IL1RAPL2: variants seen among roughly 807,000 people sequenced by gnomAD.
IL1RAPL2 encodes the protein interleukin 1 receptor accessory protein like 2.
IL1RAPL2 carries 3 observed loss-of-function variants against 44.1 expected under a neutral mutation model. That is an observed-to-expected ratio of 0.07 (90% CI 0.03 to 0.18). The LOEUF is 0.18. Among genes scored for constraint, IL1RAPL2 ranks in the 10% least tolerant of loss-of-function variants. IL1RAPL2 has a pLI of 1.00. For synonymous variants in IL1RAPL2, 181 were observed against 178.8 expected (o/e 1.01, Z -0.10); for missense variants, 391 against 496.4 (o/e 0.79, Z 2.02).
At position 105,428,343 on chromosome X, in the gene IL1RAPL2, T is replaced by C. The variant is rs768007740; in HGVS notation, c.698-55970T>C. 2.7e-5 allele frequency among the ~76,000 whole-genome samples: 3 copies of C among 111,895 alleles called. No individual in the cohort carries two copies. The Admixed American group carries it at 2.9e-4, about 11-fold the overall frequency. ...TAAATTTTACTAACTCCTGGACTTA[T>C]TCTCATTTCCAGGTCAAGATTTTGT... On this transcript the variant is annotated intron_variant, in intron 5 of 10. Coordinates refer to ENST00000372582, the MANE Select transcript of IL1RAPL2 (RefSeq NM_017416.2).
intron 2 of IL1RAPL2, among the ~76,000 whole-genome samples, chrX:104,787,023 C>CT (rs1289327747): frequency 6.6e-5 from 6 of 91,312 alleles, no homozygotes; most frequent in Admixed American, 4.2e-4. Context: ...TTCCTTTGTA[C>CT]TTTTTTGTGT....
At chrX:105,758,409 ATC>A (rs59823277) in intron 10 of IL1RAPL2, among the ~76,000 whole-genome samples, 10,203 of 101,617 alleles carry the variant, frequency 0.1, 422 homozygotes, top group South Asian at 0.25. Context: ...GTACATGAAA[ATC>A]TCTCTCTCTC....
intron 1 of IL1RAPL2, among the ~76,000 whole-genome samples, chrX:104,587,723 A>G (rs1358229668): frequency 8.9e-6 from 1 of 112,482 alleles, no homozygotes; most frequent in African/African-American, 3.2e-5. Flanking sequence ...AAATTAGCAC[A>G]GATACACATC....
At chrX:104,595,961 C>A (rs1040657699) in intron 1 of IL1RAPL2, among the ~76,000 whole-genome samples, 19 of 109,704 alleles carry the variant, frequency 1.7e-4, no homozygotes, top group African/African-American at 6.3e-4. Context: ...TTGCTTGAGA[C>A]AAGGTATTCT....
At chrX:104,998,968 CATTT>C (rs1042984254) in intron 2 of IL1RAPL2, among the ~76,000 whole-genome samples, 4 of 111,112 alleles carry the variant, frequency 3.6e-5, no homozygotes, top group African/African-American at 1.3e-4. Context: ...GCCTGGCTAA[CATTT>C]GTGTTTTGTA....
chrX:105,458,426 A>C (rs148367670), intron 5 of IL1RAPL2, among the ~76,000 whole-genome samples: 3,536 of 111,872 alleles, frequency 0.032, 152 homozygotes, highest in African/African-American at 0.11. Context: ...AGAATGAAGC[A>C]AATTCATAGA....
intron 2 of IL1RAPL2, among the ~76,000 whole-genome samples, chrX:105,076,955 G>T (rs1273357140): frequency 5.4e-5 from 6 of 110,896 alleles, no homozygotes; most frequent in African/African-American, 1.3e-4. Flanking sequence ...GTGAGATGGG[G>T]TTCCTGAATA....
intron 2 of IL1RAPL2, among the ~76,000 whole-genome samples, chrX:104,731,707 T>C (rs2147572233): frequency 8.9e-6 from 1 of 111,891 alleles, no homozygotes; most frequent in East Asian, 2.8e-4. Context: ...GCGCCTGGCC[T>C]GTTTGAAGAT....
chrX:105,107,809 C>T (rs1348596298), intron 2 of IL1RAPL2, among the ~76,000 whole-genome samples: 2 of 111,805 alleles, frequency 1.8e-5, no homozygotes, highest in Non-Finnish European at 3.8e-5. Flanking sequence ...GCTAAGTTCA[C>T]CAATGACTTT....
At chrX:105,453,616 A>T (rs1359324139) in intron 5 of IL1RAPL2, among the ~76,000 whole-genome samples, 1 of 112,187 alleles carries the variant, frequency 8.9e-6, no homozygotes, top group African/African-American at 3.2e-5. Context: ...CATTCAATCC[A>T]GCCAGGAGTA....
At chrX:104,996,490 G>T (rs2030750367) in intron 2 of IL1RAPL2, among the ~76,000 whole-genome samples, 1 of 111,945 alleles carries the variant, frequency 8.9e-6, no homozygotes, top group Non-Finnish European at 1.9e-5. Context: ...GCCATGGACA[G>T]ACTGAAAATG....
intron 3 of IL1RAPL2, among the ~76,000 whole-genome samples, chrX:105,217,624 C>G (rs1160502136): frequency 8.9e-6 from 1 of 112,265 alleles, no homozygotes; most frequent in African/African-American, 3.2e-5. Context: ...GATTATAAAA[C>G]ATGCTGCCAC....
At chrX:105,053,961 C>G in intron 2 of IL1RAPL2, among the ~76,000 whole-genome samples, 1 of 111,454 alleles carries the variant, frequency 9.0e-6, no homozygotes, top group African/African-American at 3.3e-5. Flanking sequence ...GATTGTATTA[C>G]TGTACTCCAG....
At chrX:105,220,032 G>C in intron 3 of IL1RAPL2, 1 of 1,211,354 alleles carries the variant, frequency 8.3e-7, no homozygotes, top group South Asian at 1.8e-5. Context: ...CCGCCTCCTT[G>C]CGTTCCGTCT....
At chrX:105,257,355 A>G (rs1272995063) in intron 4 of IL1RAPL2, among the ~76,000 whole-genome samples, 1 of 112,084 alleles carries the variant, frequency 8.9e-6, no homozygotes, top group Non-Finnish European at 1.9e-5. Context: ...TTTATGTCCA[A>G]TTATGTGGTT....
chrX:105,173,408 G>A (rs1211336540), intron 2 of IL1RAPL2, among the ~76,000 whole-genome samples: 1 of 111,926 alleles, frequency 8.9e-6, no homozygotes, highest in African/African-American at 3.2e-5. Flanking sequence ...AGAGGGAGGA[G>A]AGTTTCCTTG....
chrX:105,692,845 G>A (rs1427613387), intron 6 of IL1RAPL2, among the ~76,000 whole-genome samples: 4 of 111,373 alleles, frequency 3.6e-5, no homozygotes, highest in African/African-American at 6.5e-5. Context: ...GTAGCAGTAT[G>A]GAAAAAGAAT....
At chrX:104,993,170 A>C (rs1400582293) in intron 2 of IL1RAPL2, among the ~76,000 whole-genome samples, 1 of 111,925 alleles carries the variant, frequency 8.9e-6, no homozygotes, top group Admixed American at 9.5e-5. Context: ...TAAAACATAT[A>C]TAAATTAGTA....
chrX:105,594,414 C>A (rs918289303), intron 6 of IL1RAPL2, among the ~76,000 whole-genome samples: 18 of 111,485 alleles, frequency 1.6e-4, no homozygotes, highest in Non-Finnish European at 9.4e-5. Flanking sequence ...ATAAAATAAT[C>A]CAGTTGTTAA....
Sources: gnomAD v4.1 joint callset for allele counts (sites outside exome capture counted in the v4.1 genomes callset) on GRCh38, gnomAD v4.1.1 for gene constraint, MANE v1.5 for transcripts, NCBI Gene and HGNC (gene_info 2026-07-23, HGNC 2026-07-21) for gene names.